Variants in NNMT observed in about 807,000 individuals in gnomAD.
The protein encoded by NNMT is nicotinamide N-methyltransferase.
Under a neutral mutation model 11.7 loss-of-function variants are expected in NNMT, and 10 were observed. The observed-to-expected ratio is 0.85, with a 90% confidence interval of 0.53 to 1.45. The LOEUF (loss-of-function observed/expected upper bound fraction) is 1.45, where lower values mean the gene tolerates loss of function less well. Among genes scored for constraint, NNMT ranks in the 40% most tolerant of loss-of-function variants. The pLI is 0.00. For missense variants in NNMT, 381 were observed against 319.4 expected (o/e 1.19, Z -1.47); for synonymous variants, 143 against 133.8 (o/e 1.07, Z -0.48).
chr11:114,295,082 C>G (rs1189326945), upstream of NNMT, among the ~76,000 whole-genome samples: 5 of 152,180 alleles, frequency 3.3e-5, no homozygotes, highest in African/African-American at 1.2e-4. Context: ...GCAAAGCATA[C>G]GAGAAGTGGG....
At chr11:114,275,681 A>G (rs1376672718) in intron 2 of NNMT, among the ~76,000 whole-genome samples, 1 of 152,072 alleles carries the variant, frequency 6.6e-6, no homozygotes, top group Admixed American at 6.5e-5. Context: ...GAATATTCTG[A>G]TATCTTGCGA....
intron 1 of NNMT, among the ~76,000 whole-genome samples, chr11:114,258,061 A>G (rs1591821998): frequency 6.6e-6 from 1 of 151,946 alleles, no homozygotes; most frequent in Admixed American, 6.5e-5. Context: ...AGGCGGCCCC[A>G]CTGCCGCCCC....
At chr11:114,264,959 T>C (rs1378371916) in intron 2 of NNMT, among the ~76,000 whole-genome samples, 5 of 152,194 alleles carry the variant, frequency 3.3e-5, no homozygotes, top group African/African-American at 1.2e-4. Context: ...CCCTGTCCTT[T>C]TGGGTTTTTA....
intron 2 of NNMT, among the ~76,000 whole-genome samples, chr11:114,263,132 C>A (rs11214918): frequency 0.022 from 3,335 of 152,266 alleles, 102 homozygotes; most frequent in African/African-American, 0.073. Flanking sequence ...TTCTCCACAG[C>A]TGACACCAGC....
At chr11:114,304,529 C>A (rs1945471307) in intron 2 of NNMT, among the ~76,000 whole-genome samples, 1 of 152,212 alleles carries the variant, frequency 6.6e-6, no homozygotes, top group South Asian at 2.1e-4. Flanking sequence ...CTATGCAACT[C>A]ATGTCTTTCC....
intron 2 of NNMT, among the ~76,000 whole-genome samples, chr11:114,307,222 T>G (rs1945500804): frequency 6.6e-6 from 1 of 152,166 alleles, no homozygotes; most frequent in South Asian, 2.1e-4. Context: ...TCAGAGCACT[T>G]CAAACTCAGT....
intron 2 of NNMT, among the ~76,000 whole-genome samples, chr11:114,272,991 G>A (rs557929953): frequency 6.6e-6 from 1 of 152,330 alleles, no homozygotes; most frequent in South Asian, 2.1e-4. Context: ...AGGCGTGAAT[G>A]AGCATGCTAA....
intron 2 of NNMT, among the ~76,000 whole-genome samples, chr11:114,276,943 G>T (rs1340997091): frequency 6.6e-6 from 1 of 152,212 alleles, no homozygotes; most frequent in Non-Finnish European, 1.5e-5. Flanking sequence ...GGAAATAATT[G>T]CCAGGTGCAG....
chr11:114,278,453 A>G (rs1382677089), intron 2 of NNMT, among the ~76,000 whole-genome samples: 1 of 152,054 alleles, frequency 6.6e-6, no homozygotes, highest in African/African-American at 2.4e-5. Context: ...TACATCAAGA[A>G]TGTTCTCTTT....
chr11:114,305,706 C>T (rs1362870202), intron 2 of NNMT, among the ~76,000 whole-genome samples: 1 of 152,010 alleles, frequency 6.6e-6, no homozygotes, highest in African/African-American at 2.4e-5. Context: ...GCATAGTATT[C>T]CATGGTGTAT....
At chr11:114,277,630 A>G (rs1945224087) in intron 2 of NNMT, among the ~76,000 whole-genome samples, 1 of 152,206 alleles carries the variant, frequency 6.6e-6, no homozygotes, top group South Asian at 2.1e-4. Context: ...GAAATAACAT[A>G]CTATGTTAGG....
intron 2 of NNMT, among the ~76,000 whole-genome samples, chr11:114,311,327 C>T (rs940320825): frequency 6.6e-6 from 1 of 152,208 alleles, no homozygotes; most frequent in African/African-American, 2.4e-5. Context: ...AGGACCCTGT[C>T]TCTAGAAACA....
chr11:114,311,634 T>G (rs1945549803), intron 2 of NNMT, among the ~76,000 whole-genome samples: 1 of 152,206 alleles, frequency 6.6e-6, no homozygotes, highest in African/African-American at 2.4e-5. Flanking sequence ...ATACTTATTC[T>G]GTATGGGTCA....
rs1457703411 is a variant in NNMT at position 114,312,448 on chromosome 11, G to C, written c.766G>C (p.Val256Leu). 7 of 1,613,912 alleles carry C rather than the reference G, an allele frequency of 4.3e-6. No homozygotes were observed. The African/African-American group carries it at 5.3e-5, about 12-fold the overall frequency. The change falls in exon 3 of 3, where the codon GTG (valine) becomes CTG (leucine). Residue 256 changes from valine (V) to leucine (L), a missense_variant. By Grantham distance (32) the Val-to-Leu change is conservative. Transcript: ENST00000299964. Reference protein sequence around the residue: ...MANNEGLFSLVARKLSRPL With the variant: ...MANNEGLFSLLARKLSRPL ...CAACAACGAAGGACTTTTCTCCCTG[G>C]TGGCGAGGAAGCTGAGCAGACCCCT...
chr11:114,276,107 G>GCCCCCCCCC (rs35929563), intron 2 of NNMT, among the ~76,000 whole-genome samples: 4 of 142,364 alleles, frequency 2.8e-5, no homozygotes, highest in Non-Finnish European at 6.0e-5. Context: ...GTTTCAGGCT[G>GCCCCCCCCC]CCCCCCCACC....
intron 2 of NNMT, among the ~76,000 whole-genome samples, chr11:114,300,456 C>T (rs757942988): frequency 6.6e-6 from 1 of 152,026 alleles, no homozygotes; most frequent in South Asian, 2.1e-4. Flanking sequence ...TCTCAGTAAA[C>T]GTTCTATGTG....
intron 2 of NNMT, among the ~76,000 whole-genome samples, chr11:114,306,339 G>A (rs1357828188): frequency 1.3e-5 from 2 of 152,272 alleles, no homozygotes; most frequent in Admixed American, 1.3e-4. Context: ...GCTGGCAGAA[G>A]CTCTTTAATT....
chr11:114,303,532 T>C (rs1945459264), intron 2 of NNMT, among the ~76,000 whole-genome samples: 2 of 152,256 alleles, frequency 1.3e-5, no homozygotes, highest in African/African-American at 2.4e-5. Context: ...GAGTCTTTAA[T>C]TTTGGTTCAT....
intron 2 of NNMT, among the ~76,000 whole-genome samples, chr11:114,311,567 A>G (rs901024400): frequency 6.6e-6 from 1 of 152,246 alleles, no homozygotes; most frequent in African/African-American, 2.4e-5. Flanking sequence ...CACCACTCTT[A>G]TTGATCAGCA....
Sources: allele counts gnomAD v4.1 joint callset (sites outside exome capture counted in the v4.1 genomes callset), GRCh38; gene constraint gnomAD v4.1.1; transcripts MANE v1.5; gene names NCBI Gene and HGNC (gene_info 2026-07-23, HGNC 2026-07-21).